Variants in COL4A1 observed in about 807,000 individuals in gnomAD.
The protein encoded by COL4A1 is collagen type IV alpha 1 chain.
COL4A1 carries 40 observed loss-of-function variants against 216.6 expected under a neutral mutation model. That is an observed-to-expected ratio of 0.18 (90% CI 0.14 to 0.24). The LOEUF (loss-of-function observed/expected upper bound fraction) is 0.24. Ranked by LOEUF, COL4A1 falls within the 10% of genes least tolerant of loss-of-function variation. COL4A1 has a pLI of 1.00. For missense variants in COL4A1, 1,628 were observed against 2,196.8 expected (o/e 0.74, Z 5.18); for synonymous variants, 839 against 810.7 (o/e 1.03, Z -0.59).
chr13:110,185,248 C>T (rs944709168), intron 26 of COL4A1, among the ~76,000 whole-genome samples: 12 of 152,176 alleles, frequency 7.9e-5, no homozygotes, highest in Admixed American at 3.9e-4. Context: ...CGGGTTCAAG[C>T]GATTCTCCTG....
chr13:110,255,164 G>A (rs1306596492), intron 1 of COL4A1, among the ~76,000 whole-genome samples: 1 of 152,206 alleles, frequency 6.6e-6, no homozygotes, highest in Admixed American at 6.5e-5. Context: ...AGTGCTGCAA[G>A]GACACTGGTG....
At chr13:110,189,466 C>T (rs974636171) in intron 24 of COL4A1, among the ~76,000 whole-genome samples, 3 of 152,190 alleles carry the variant, frequency 2.0e-5, no homozygotes, top group East Asian at 3.8e-4. Flanking sequence ...TTCTCATGGA[C>T]GACTACCAGT....
In COL4A1 at chr13:110,152,466, G is replaced by A. The variant is rs766472965; in HGVS notation, c.4796C>T (p.Ala1599Val). 24 of 1,613,660 alleles carry A rather than the reference G, an allele frequency of 1.5e-5. No individual in the cohort carries two copies. In the Admixed American group the frequency reaches 2.2e-4, roughly 15 times the overall value. ...CTCCTCCAGGCAGGAGCCGGGGGAC[G>A]CCAGGGCTTGGCCAGAGCCTTCTGC... Reference protein sequence around the residue: ...AGAEGSGQALASPGSCLEEFR... With the variant: ...AGAEGSGQALVSPGSCLEEFR... The change falls in exon 51 of 52, where the codon GCG (alanine) becomes GTG (valine). Residue 1599 changes from alanine (A) to valine (V), a missense_variant. Physicochemically the swap from Ala to Val is moderately conservative, Grantham distance 64. Transcript: ENST00000375820.
At chr13:110,240,998 C>T (rs1447766501) in intron 2 of COL4A1, among the ~76,000 whole-genome samples, 1 of 152,100 alleles carries the variant, frequency 6.6e-6, no homozygotes, top group Non-Finnish European at 1.5e-5. Context: ...ACCTCCTGAG[C>T]AGCTGGGACT....
chr13:110,219,876 A>ATATGTG (rs1389476001), intron 2 of COL4A1, among the ~76,000 whole-genome samples: 4,154 of 116,860 alleles, frequency 0.036, 164 homozygotes, highest in East Asian at 0.12. Flanking sequence ...GTGTGTATAT[A>ATATGTG]TGTATATATA....
At chr13:110,223,695 T>C (rs1399669275) in intron 2 of COL4A1, among the ~76,000 whole-genome samples, 5 of 152,216 alleles carry the variant, frequency 3.3e-5, no homozygotes, top group African/African-American at 1.2e-4. Context: ...AGCTAGGTGT[T>C]GGCACAGCAG....
intron 29 of COL4A1, among the ~76,000 whole-genome samples, chr13:110,180,240 T>C (rs1008862253): frequency 6.6e-6 from 1 of 152,224 alleles, no homozygotes; most frequent in African/African-American, 2.4e-5. Context: ...ATTTACTAAC[T>C]CCTGAGTCTT....
chr13:110,270,560 G>A (rs745813766), intron 1 of COL4A1, among the ~76,000 whole-genome samples: 4 of 152,154 alleles, frequency 2.6e-5, no homozygotes, highest in East Asian at 1.9e-4. Context: ...TTGTAGGGTC[G>A]TTTCATGGCC....
intron 49 of COL4A1, among the ~76,000 whole-genome samples, chr13:110,159,476 G>T (rs1258921414): frequency 1.3e-5 from 2 of 152,294 alleles, no homozygotes; most frequent in Non-Finnish European, 2.9e-5. Context: ...AGGACGTGGA[G>T]CAACTGGGAC....
intron 24 of COL4A1, chr13:110,191,671 A>G (rs566984276): frequency 5.0e-5 from 34 of 682,328 alleles, no homozygotes; most frequent in African/African-American, 3.2e-4. Flanking sequence ...ATGTTGTAAC[A>G]GAAATTTTCA....
intron 12 of COL4A1, among the ~76,000 whole-genome samples, 190 bp downstream of exon 12, chr13:110,208,659 C>T (rs1319281462): frequency 1.3e-5 from 2 of 152,118 alleles, no homozygotes; most frequent in African/African-American, 2.4e-5. Flanking sequence ...TAAATTCTAG[C>T]GTACTGAATA....
At position 110,252,614 on chromosome 13, in the gene COL4A1, T is replaced by TATAATTATACGTATATATGTATTATATAC. The variant is rs1253782145; in HGVS notation, c.85-9881_85-9880insGTATATAATACATATATACGTATAATTAT. The stretch of plus-strand genomic sequence containing the variant: ...ATTATACGTATATATGTATTATATA[T>TATAATTATACGTATATATGTATTATATAC]GTATAATTGTATATATTATATATAC... On this transcript the variant is annotated intron_variant, in intron 1 of 51. Transcript: ENST00000375820. Among the ~76,000 whole-genome samples the TATAATTATACGTATATATGTATTATATAC allele has an allele frequency of 7.0e-3, 412 of 58,652 alleles. 42 individuals are homozygous for TATAATTATACGTATATATGTATTATATAC. The highest frequency in any genetic ancestry group is 0.024 in the African/African-American group (398 of 16,774). The allele number at this position is 58,652 out of a possible 152,430, so 38.5% of individuals were successfully genotyped here.
intron 2 of COL4A1, among the ~76,000 whole-genome samples, chr13:110,238,312 T>C (rs1594079329): frequency 6.6e-6 from 1 of 152,250 alleles, no homozygotes; most frequent in East Asian, 1.9e-4. Context: ...GGCTTGGGAA[T>C]GTCCCTTTTT....
chr13:110,150,227 G>C lies in COL4A1; in HGVS notation c.*136C>G. 4.8e-6 allele frequency: 4 copies of C among 826,058 alleles called. No homozygotes were observed. The highest frequency in any genetic ancestry group is 8.0e-6 in the Non-Finnish European group (4 of 498,028). The allele number at this position is 826,058 out of a possible 1,614,324, so 51.2% of individuals were successfully genotyped here. A position where few individuals can be genotyped will look rare whatever the true frequency, so the allele number is the denominator to read the frequency against. On this transcript the variant is annotated 3_prime_UTR_variant, in exon 52 of 52. Transcript: ENST00000375820. ...CAATGAAGCAGGGTGTGTTAGTTAC[G>C]CAAATTCCTATAAGGCACTTTACGG...
chr13:110,244,132 T>C (rs1025790935), intron 1 of COL4A1, among the ~76,000 whole-genome samples: 1 of 152,230 alleles, frequency 6.6e-6, no homozygotes, highest in African/African-American at 2.4e-5. Context: ...AATAAAATCA[T>C]GCCACTAATA....
rs778611021 is a variant in COL4A1, at chr13:110,211,414, C to T, written c.468+233G>A. Among the ~76,000 whole-genome samples, 4 of 152,234 alleles carry T rather than the reference C, an allele frequency of 2.6e-5. No individual in the cohort carries two copies. Among genetic ancestry groups the T allele is most frequent in the Non-Finnish European group, 5.9e-5 (4 of 68,048 alleles). Reference sequence around the variant, plus strand: ...GAGCCTTCGCCACCACACCAGGCCTCCTTCCGCTGCTTATTCCCCATTAAG... The same window carrying T: ...GAGCCTTCGCCACCACACCAGGCCTTCTTCCGCTGCTTATTCCCCATTAAG... On this transcript the variant is annotated intron_variant, in intron 8 of 51. Transcript: ENST00000375820. The surrounding 1 kb of genome is among the most constrained non-coding windows in gnomAD (Gnocchi z 4.3).
At chr13:110,233,296 G>A (rs1278423755) in intron 2 of COL4A1, among the ~76,000 whole-genome samples, 1 of 152,014 alleles carries the variant, frequency 6.6e-6, no homozygotes, top group Non-Finnish European at 1.5e-5. Context: ...AGGAAATAGG[G>A]GACATCTGGA....
chr13:110,261,867 C>T lies in COL4A1; in HGVS notation c.85-19133G>A, dbSNP rs376121903. On this transcript the variant is annotated intron_variant, in intron 1 of 51. Coordinates refer to ENST00000375820, the MANE Select transcript of COL4A1 (RefSeq NM_001845.6). Reference sequence around the variant, plus strand: ...AGCTTCTGCAAGGCCAGAGCAGAGCCGGGACACCGGCTGTCCCCCGGTGAC... The same window carrying T: ...AGCTTCTGCAAGGCCAGAGCAGAGCTGGGACACCGGCTGTCCCCCGGTGAC... Among the ~76,000 whole-genome samples the T allele has an allele frequency of 5.3e-5, 8 of 152,326 alleles. No homozygotes were observed. The East Asian group carries it at 1.5e-3, about 30-fold the overall frequency.
At chr13:110,292,872 A>T (rs138055852) in intron 1 of COL4A1, among the ~76,000 whole-genome samples, 1 of 152,176 alleles carries the variant, frequency 6.6e-6, no homozygotes, top group East Asian at 1.9e-4. Context: ...GAGAAACAGG[A>T]TATGTCCAGG....
Sources: gnomAD v4.1 joint callset for allele counts (sites outside exome capture counted in the v4.1 genomes callset) on GRCh38, gnomAD v4.1.1 for gene constraint, Gnocchi (gnomAD v3.1) non-coding constraint, MANE v1.5 for transcripts, NCBI Gene and HGNC (gene_info 2026-07-23, HGNC 2026-07-21) for gene names.